Variants in TAL1 observed in about 807,000 individuals in gnomAD.
TAL1 encodes TAL bHLH transcription factor 1, erythroid differentiation factor.
Under a neutral mutation model 17.9 loss-of-function variants are expected in TAL1, and 8 were observed. That is an observed-to-expected ratio of 0.45 (90% CI 0.26 to 0.81). The LOEUF is 0.81. TAL1 is among the 30% of genes least tolerant of loss of function. The pLI, the probability that TAL1 is intolerant of heterozygous loss-of-function variation, is 0.17. For missense variants in TAL1, 466 were observed against 486.9 expected (o/e 0.96, Z 0.40); for synonymous variants, 223 against 218.6 (o/e 1.02, Z -0.18).
At chr1:47,225,804 G>A in exon 2 of TAL1, 1 of 1,573,206 alleles carries the variant, frequency 6.4e-7, no homozygotes, top group Non-Finnish European at 8.6e-7. Context: ...ACCAGGTGCG[G>A]GGGGGCCATG....
upstream of TAL1, among the ~76,000 whole-genome samples, chr1:47,231,967 C>G (rs1326001378): frequency 6.6e-6 from 1 of 151,230 alleles, no homozygotes; most frequent in African/African-American, 2.4e-5. Context: ...GTCTCCGAGG[C>G]GGGAGGGGCG....
chr1:47,228,388 G>A (rs1396224680), intron 1 of TAL1: 1 of 190,656 alleles, frequency 5.2e-6, no homozygotes. Context: ...TGAAGGAGGA[G>A]GGAGATTTTA....
At chr1:47,231,633 C>T, upstream of TAL1, 1 of 233,844 alleles carries the variant, frequency 4.3e-6, no homozygotes, top group East Asian at 6.0e-5. Flanking sequence ...AACACAGTCG[C>T]AGGGGCCACA....
At chr1:47,230,871 A>G (rs1643999973), upstream of TAL1, 1 of 152,202 alleles carries the variant, frequency 6.6e-6, no homozygotes, top group Admixed American at 6.5e-5. Context: ...TCGGTCTCGG[A>G]TGCGACGGGT....
intron 3 of TAL1, among the ~76,000 whole-genome samples, chr1:47,222,842 G>A (rs1643847724): frequency 6.6e-6 from 1 of 152,048 alleles, no homozygotes; most frequent in Admixed American, 6.6e-5. Flanking sequence ...TCGCCCCTAT[G>A]CTCTGCCTCT....
At chr1:47,218,156 G>A (rs6702849) in exon 4 of TAL1, 12,309 of 240,458 alleles carry the variant, frequency 0.051, 408 homozygotes, top group African/African-American at 0.094. Flanking sequence ...CAGGGCCACA[G>A]GCTATCTCTC....
intron 1 of TAL1, chr1:47,228,952 G>C (rs945804168): frequency 1.2e-5 from 2 of 164,348 alleles, no homozygotes; most frequent in African/African-American, 2.4e-5. Context: ...CAATGGGAAA[G>C]GCCTGGACGA....
chr1:47,231,355 C>T (rs1486099566), upstream of TAL1: 1 of 206,056 alleles, frequency 4.9e-6, no homozygotes, highest in Non-Finnish European at 9.9e-6. Context: ...GCCCTCCCCC[C>T]ACTCCCGCCC....
chr1:47,216,298 G>A (rs1373115253), exon 4 of TAL1: 1 of 202,718 alleles, frequency 4.9e-6, no homozygotes, highest in Admixed American at 6.0e-5. Flanking sequence ...AGGCCCCTTT[G>A]TAAAACTTTT....
upstream of TAL1, chr1:47,232,159 A>C: frequency 9.5e-6 from 2 of 211,202 alleles, no homozygotes; most frequent in East Asian, 7.0e-5. Context: ...AAAGGCCAGA[A>C]TGCTCACGTT....
chr1:47,230,226 G>C (rs1643986996), upstream of TAL1: 1 of 152,148 alleles, frequency 6.6e-6, no homozygotes, highest in Admixed American at 6.5e-5. Flanking sequence ...AAGGAAAGGA[G>C]GTAAAAACAA....
intron 1 of TAL1, 138 bp downstream of exon 2, chr1:47,229,058 C>G (rs1643959967): frequency 6.1e-6 from 1 of 164,328 alleles, no homozygotes; most frequent in African/African-American, 2.4e-5. Context: ...CGATTCCAAG[C>G]TCTGGCTGGT....
chr1:47,227,055 G>A (rs1033348086), intron 1 of TAL1: 4 of 152,204 alleles, frequency 2.6e-5, no homozygotes, highest in Non-Finnish European at 5.9e-5. Flanking sequence ...CCAGACCAGA[G>A]CAATAATCTC....
At chr1:47,219,776 C>T (rs1239980681) in exon 4 of TAL1, 11 of 1,611,332 alleles carry the variant, frequency 6.8e-6, no homozygotes, top group African/African-American at 1.3e-5. Context: ...AGGCTGCGGG[C>T]CGTGTGCTTG....
chr1:47,226,038 G>T, intron 1 of TAL1, 149 bp from the exon 3 acceptor site: 1 of 777,210 alleles, frequency 1.3e-6, no homozygotes, highest in Non-Finnish European at 1.9e-6. Context: ...CGCCACGTGG[G>T]GCTAGGGCGG....
intron 2 of TAL1, among the ~76,000 whole-genome samples, chr1:47,224,722 C>G (rs1356651961): frequency 6.6e-6 from 1 of 152,198 alleles, no homozygotes; most frequent in Non-Finnish European, 1.5e-5. Flanking sequence ...CTCGGGTGCC[C>G]GCCAGGTTCA....
chr1:47,225,742 G>C (rs1643898671), exon 2 of TAL1: 1 of 1,536,596 alleles, frequency 6.5e-7, no homozygotes. Context: ...CGATGACTGG[G>C]GGCTCCGCTG....
chr1:47,228,142 G>A (rs7525145), intron 1 of TAL1: 16 of 160,176 alleles, frequency 1.0e-4, no homozygotes, highest in East Asian at 3.0e-4. Flanking sequence ...ATATCCCATC[G>A]CCAAGGTTCC....
intron 2 of TAL1, among the ~76,000 whole-genome samples, chr1:47,225,238 A>G (rs1643889492): frequency 1.3e-5 from 2 of 152,258 alleles, no homozygotes; most frequent in South Asian, 4.1e-4. Context: ...TCTCTCTCAC[A>G]GAAGGCCCCT....
Sources: gnomAD v4.1 joint callset for allele counts (sites outside exome capture counted in the v4.1 genomes callset) on GRCh38, gnomAD v4.1.1 for gene constraint, MANE v1.5 for transcripts, NCBI Gene and HGNC (gene_info 2026-07-23, HGNC 2026-07-21) for gene names.